Variants in CBFB observed in about 807,000 individuals in gnomAD.
CBFB encodes core-binding factor subunit beta, also known as CBF-beta.
CBFB carries 9 observed loss-of-function variants against 30.4 expected under a neutral mutation model. That is an observed-to-expected ratio of 0.30 (90% CI 0.18 to 0.52). The LOEUF is 0.52. Ranked by LOEUF, CBFB falls within the 20% of genes least tolerant of loss-of-function variation. The pLI, the probability that CBFB is intolerant of heterozygous loss-of-function variation, is 0.97. For synonymous variants in CBFB, 94 were observed against 84.0 expected (o/e 1.12, Z -0.65); for missense variants, 170 against 244.0 (o/e 0.70, Z 2.02).
At position 67,085,246 on chromosome 16, in the gene CBFB, C is replaced by T. The variant is rs142801606; in HGVS notation, c.495+2938C>T. ...GTGCAGTGGCACAATGTCGGCTCAC[C>T]GCAACCTCTGCCTCCCGGGTTCAAG... On this transcript the variant is annotated intron_variant, in intron 5 of 5. Transcript: ENST00000412916. Among the ~76,000 whole-genome samples, 125 of 147,092 alleles carry T rather than the reference C, an allele frequency of 8.5e-4. No individual in the cohort carries two copies. In the Middle Eastern group the frequency reaches 0.012, roughly 14 times the overall value.
At chr16:67,082,150 ACCC>A in intron 4 of CBFB, 60 bp from the exon 5 acceptor site, 7 of 1,349,806 alleles carry the variant, frequency 5.2e-6, no homozygotes, top group African/African-American at 1.5e-5. Context: ...AAAAAACAAA[ACCC>A]AAATATTGTA....
At chr16:67,073,404 C>T (rs1961290395) in intron 4 of CBFB, among the ~76,000 whole-genome samples, 1 of 152,118 alleles carries the variant, frequency 6.6e-6, no homozygotes, top group Non-Finnish European at 1.5e-5. Context: ...CAAATCATTT[C>T]CAGTTAAAAA....
intron 2 of CBFB, among the ~76,000 whole-genome samples, chr16:67,033,634 C>T (rs945157914): frequency 4.1e-5 from 6 of 146,524 alleles, no homozygotes; most frequent in Non-Finnish European, 1.5e-5. Flanking sequence ...TTTTTTGAGA[C>T]GGAGTCTTGC....
intron 5 of CBFB, among the ~76,000 whole-genome samples, chr16:67,086,201 T>G (rs527716080): frequency 7.2e-5 from 11 of 152,248 alleles, no homozygotes; most frequent in Non-Finnish European, 1.5e-4. Context: ...TTTCGGTATC[T>G]GTAAAATTTA....
intron 4 of CBFB, among the ~76,000 whole-genome samples, chr16:67,071,723 G>A (rs1003604174): frequency 1.3e-5 from 2 of 152,122 alleles, no homozygotes; most frequent in African/African-American, 4.8e-5. Flanking sequence ...GCAGTTGAAT[G>A]GGATAGCATA....
intron 4 of CBFB, among the ~76,000 whole-genome samples, chr16:67,076,849 G>A (rs1473379442): frequency 6.6e-6 from 1 of 151,784 alleles, no homozygotes; most frequent in African/African-American, 2.4e-5. Context: ...GTTGGTTTTA[G>A]CATAGTTCTT....
At chr16:67,070,527 A>C (rs1342177745) in intron 4 of CBFB, among the ~76,000 whole-genome samples, 1 of 152,220 alleles carries the variant, frequency 6.6e-6, no homozygotes, top group African/African-American at 2.4e-5. Context: ...TATATAAGGA[A>C]AATTCAGATT....
chr16:67,056,567 G>GT (rs1394523303), intron 3 of CBFB, among the ~76,000 whole-genome samples: 1 of 151,758 alleles, frequency 6.6e-6, no homozygotes, highest in African/African-American at 2.4e-5. Context: ...TATTTACTAT[G>GT]TTTTTTTCCA....
intron 4 of CBFB, among the ~76,000 whole-genome samples, chr16:67,073,388 C>T (rs1037090455): frequency 5.1e-4 from 78 of 152,166 alleles, no homozygotes; most frequent in Admixed American, 1.7e-3. Context: ...TCAGTTACTT[C>T]AGAATCAAAT....
At chr16:67,082,168 T>TC in intron 4 of CBFB, 45 bp from the exon 5 acceptor site, 1 of 1,438,036 alleles carries the variant, frequency 7.0e-7, no homozygotes, top group Non-Finnish European at 9.3e-7. Flanking sequence ...ATTGTATTTT[T>TC]TTTATAAATC....
chr16:67,062,436 C>T (rs1352241639), intron 3 of CBFB, among the ~76,000 whole-genome samples: 3 of 150,940 alleles, frequency 2.0e-5, no homozygotes, highest in East Asian at 4.1e-4. Context: ...TCCCAAAGTG[C>T]TGGGATTACA....
chr16:67,055,163 T>C (rs1034077864), intron 3 of CBFB, among the ~76,000 whole-genome samples: 2 of 151,828 alleles, frequency 1.3e-5, no homozygotes, highest in African/African-American at 2.4e-5. Flanking sequence ...AAAAGAAAAA[T>C]ACAGTGAAAC....
At chr16:67,052,577 TAA>T (rs751681152) in intron 3 of CBFB, among the ~76,000 whole-genome samples, 2 of 144,112 alleles carry the variant, frequency 1.4e-5, no homozygotes, top group Non-Finnish European at 1.5e-5. Flanking sequence ...CCCTGTCTCT[TAA>T]AAAAAAAAAA....
At chr16:67,046,929 A>G (rs1016979922) in intron 3 of CBFB, among the ~76,000 whole-genome samples, 2 of 152,156 alleles carry the variant, frequency 1.3e-5, no homozygotes, top group African/African-American at 2.4e-5. Context: ...ATGCACGTGA[A>G]CAGTTGGAAA....
At chr16:67,071,446 A>G (rs1342451028) in intron 4 of CBFB, among the ~76,000 whole-genome samples, 1 of 152,146 alleles carries the variant, frequency 6.6e-6, no homozygotes, top group Non-Finnish European at 1.5e-5. Context: ...CCGTATGAGG[A>G]CACAGTGAGA....
intron 3 of CBFB, among the ~76,000 whole-genome samples, chr16:67,049,277 C>T (rs1597132209): frequency 6.6e-6 from 1 of 152,014 alleles, no homozygotes; most frequent in South Asian, 2.1e-4. Context: ...AATCTCGGCA[C>T]ACTGCAACCT....
intron 3 of CBFB, among the ~76,000 whole-genome samples, chr16:67,062,889 A>G (rs1437653057): frequency 1.3e-5 from 2 of 152,200 alleles, no homozygotes; most frequent in Non-Finnish European, 2.9e-5. Flanking sequence ...TATAAAATCC[A>G]GTTCAAGTGG....
intron 2 of CBFB, 191 bp downstream of exon 2, chr16:67,030,004 T>A (rs1966307122): frequency 2.2e-6 from 1 of 462,020 alleles, no homozygotes; most frequent in Admixed American, 4.6e-5. Context: ...ACGCTTTTCC[T>A]GGGGCTCGCC....
At chr16:67,048,639 C>T (rs2145727826) in intron 3 of CBFB, among the ~76,000 whole-genome samples, 1 of 152,148 alleles carries the variant, frequency 6.6e-6, no homozygotes, top group Middle Eastern at 3.4e-3. Flanking sequence ...CAAGCTCTGC[C>T]TCCCGGGTTC....
Sources: allele counts gnomAD v4.1 joint callset (sites outside exome capture counted in the v4.1 genomes callset), GRCh38; gene constraint gnomAD v4.1.1; transcripts MANE v1.5; gene names NCBI Gene and HGNC (gene_info 2026-07-23, HGNC 2026-07-21).